The following PLEKHA5 variants were observed in gnomAD, a reference collection of about 807,000 sequenced individuals.
PLEKHA5 encodes the protein pleckstrin homology domain-containing family A member 5.
A neutral mutation model predicts 181.9 loss-of-function variants in PLEKHA5; 55 were observed. The ratio of observed to expected loss-of-function variants is 0.30; its 90% CI spans 0.24 to 0.38. The LOEUF (loss-of-function observed/expected upper bound fraction) is 0.38, where lower values mean the gene tolerates loss of function less well. Ranked by LOEUF, PLEKHA5 falls within the 10% of genes least tolerant of loss-of-function variation. The pLI is 1.00. For missense variants in PLEKHA5, 1,432 were observed against 1,549.5 expected (o/e 0.92, Z 1.27); for synonymous variants, 535 against 529.4 (o/e 1.01, Z -0.15).
chr12:19,365,906 G>A (rs976464832), intron 29 of PLEKHA5, 58 bp from the exon 30 acceptor site: 1 of 1,245,412 alleles, frequency 8.0e-7, no homozygotes, highest in Non-Finnish European at 1.1e-6. Flanking sequence ...ACAAAAAAAA[G>A]AAAAATTAAT....
At chr12:19,235,541 A>C (rs895352119) in intron 3 of PLEKHA5, among the ~76,000 whole-genome samples, 2 of 152,144 alleles carry the variant, frequency 1.3e-5, no homozygotes. Flanking sequence ...GGTTTTTCTC[A>C]TACAATAATC....
chr12:19,287,419 G>A (rs1332547372), intron 12 of PLEKHA5, 54 bp from the exon 13 acceptor site: 5 of 1,012,294 alleles, frequency 4.9e-6, no homozygotes, highest in Non-Finnish European at 7.7e-6. Context: ...TGCTGACATT[G>A]ATAAGAAAAA....
At chr12:19,357,802 G>A (rs561357137) in intron 26 of PLEKHA5, among the ~76,000 whole-genome samples, 59 of 151,726 alleles carry the variant, frequency 3.9e-4, no homozygotes, top group African/African-American at 1.4e-3. Flanking sequence ...CACCTGCCTG[G>A]CTAATTTTTG....
chr12:19,133,639 T>G (rs1277119531), intron 3 of PLEKHA5, among the ~76,000 whole-genome samples: 6 of 152,046 alleles, frequency 3.9e-5, no homozygotes, highest in Non-Finnish European at 8.8e-5. Flanking sequence ...AGAAAGATAC[T>G]TAGATAAAAC....
chr12:19,288,337 TTTACCA>T (rs1166980291), intron 13 of PLEKHA5, among the ~76,000 whole-genome samples: 5 of 152,212 alleles, frequency 3.3e-5, no homozygotes, highest in Non-Finnish European at 7.3e-5. Flanking sequence ...AAAGCAAGTA[TTTACCA>T]TTACCATTTC....
chr12:19,199,863 GA>G (rs1349365560), intron 3 of PLEKHA5, among the ~76,000 whole-genome samples: 1 of 152,104 alleles, frequency 6.6e-6, no homozygotes, highest in Non-Finnish European at 1.5e-5. Flanking sequence ...GATGGAACTG[GA>G]GGTCATTAAG....
chr12:19,162,628 G>A (rs1347420439), intron 3 of PLEKHA5, among the ~76,000 whole-genome samples: 2 of 151,036 alleles, frequency 1.3e-5, no homozygotes, highest in South Asian at 4.2e-4. Context: ...ACAGAGACAG[G>A]CCATCTTTCT....
At chr12:19,226,386 G>T (rs1185373680) in intron 3 of PLEKHA5, among the ~76,000 whole-genome samples, 1 of 152,110 alleles carries the variant, frequency 6.6e-6, no homozygotes, top group East Asian at 1.9e-4. Context: ...ATTATGAATA[G>T]TATTGCTGTG....
chr12:19,302,149 C>T (rs2152920535), intron 15 of PLEKHA5, among the ~76,000 whole-genome samples: 1 of 152,152 alleles, frequency 6.6e-6, no homozygotes, highest in South Asian at 2.1e-4. Flanking sequence ...GACAGATTCC[C>T]AACTGAAAAA....
chr12:19,191,792 G>C (rs750384186), intron 3 of PLEKHA5, among the ~76,000 whole-genome samples: 3 of 152,124 alleles, frequency 2.0e-5, no homozygotes, highest in Non-Finnish European at 4.4e-5. Flanking sequence ...GGAGGATCAC[G>C]TGTCTGGCAA....
intron 11 of PLEKHA5, among the ~76,000 whole-genome samples, chr12:19,282,513 GA>G (rs2076396167): frequency 6.6e-6 from 1 of 152,106 alleles, no homozygotes; most frequent in South Asian, 2.1e-4. Flanking sequence ...CTTCCTGAAA[GA>G]AAACATACAA....
At chr12:19,332,423 A>G (rs11044494) in intron 20 of PLEKHA5, among the ~76,000 whole-genome samples, 139,266 of 152,244 alleles carry the variant, frequency 0.91, 64,539 homozygotes, top group Non-Finnish European at 1. Flanking sequence ...GCATACCAGA[A>G]GCTCCTCTCC....
chr12:19,205,452 A>G (rs1368969495), intron 3 of PLEKHA5: 10 of 847,378 alleles, frequency 1.2e-5, no homozygotes, highest in African/African-American at 1.8e-5. Flanking sequence ...TGGTGAGTTA[A>G]TTGGCTGTTT....
At chr12:19,188,945 A>C (rs1048967784) in intron 3 of PLEKHA5, among the ~76,000 whole-genome samples, 3 of 152,214 alleles carry the variant, frequency 2.0e-5, no homozygotes, top group Non-Finnish European at 4.4e-5. Flanking sequence ...TTTTGGGGTT[A>C]CAGTGATGAA....
chr12:19,197,111 C>T (rs2052989611), intron 3 of PLEKHA5, among the ~76,000 whole-genome samples: 1 of 152,078 alleles, frequency 6.6e-6, no homozygotes, highest in Non-Finnish European at 1.5e-5. Context: ...ACACTAGGGA[C>T]CTCTCTGTTC....
intron 3 of PLEKHA5, among the ~76,000 whole-genome samples, chr12:19,177,690 A>G (rs1265565594): frequency 6.6e-6 from 1 of 152,206 alleles, no homozygotes; most frequent in East Asian, 1.9e-4. Context: ...ATGCCCAAGT[A>G]GTGGTTTCCT....
At chr12:19,283,149 CAAAA>C (rs34391812) in intron 11 of PLEKHA5, 127 bp from the exon 12 acceptor site, 494 of 203,408 alleles carry the variant, frequency 2.4e-3, no homozygotes, top group East Asian at 5.0e-3. Flanking sequence ...TCTTGTCTCC[CAAAA>C]AAAAAAAAAA....
intron 29 of PLEKHA5, among the ~76,000 whole-genome samples, chr12:19,363,837 CA>C (rs2095339816): frequency 6.6e-6 from 1 of 152,088 alleles, no homozygotes; most frequent in Non-Finnish European, 1.5e-5. Flanking sequence ...CTCCATTAAA[CA>C]TATTACCGGC....
At position 19,259,802 on chromosome 12, in the gene PLEKHA5, T is replaced by G. The variant is rs1345610934; in HGVS notation, c.538-1147T>G. Among the ~76,000 whole-genome samples the G allele has an allele frequency of 2.1e-3, 311 of 151,614 alleles. 1 individual carries two copies. Among genetic ancestry groups the G allele is most frequent in the African/African-American group, 7.1e-3 (295 of 41,412 alleles). ...TTGCCATTTAATTTTTTTTTTTTTT[T>G]TTGGTTTCTTTTTTGGTATAGCTGT... On this transcript the variant is annotated intron_variant, in intron 6 of 31. Transcript: ENST00000429027.
Sources: gnomAD v4.1 joint callset for allele counts (sites outside exome capture counted in the v4.1 genomes callset) on GRCh38, gnomAD v4.1.1 for gene constraint, MANE v1.5 for transcripts, NCBI Gene and HGNC (gene_info 2026-07-23, HGNC 2026-07-21) for gene names.